The following PAM variants were observed in gnomAD, a reference collection of about 807,000 sequenced individuals.
The protein encoded by PAM is peptidylglycine alpha-amidating monooxygenase, also known as peptidyl-glycine alpha-amidating monooxygenase.
Under a neutral mutation model 122.1 loss-of-function variants are expected in PAM, and 72 were observed. The observed-to-expected ratio is 0.59, with a 90% CI of 0.49 to 0.72. The LOEUF is 0.72. PAM is among the 30% of genes least tolerant of loss of function. PAM has a pLI of 0.00. For missense variants in PAM, 1,106 were observed against 1,183.7 expected (o/e 0.93, Z 0.96); for synonymous variants, 389 against 404.4 (o/e 0.96, Z 0.46).
intron 1 of PAM, among the ~76,000 whole-genome samples, chr5:102,829,236 A>G (rs1285340954): frequency 6.6e-6 from 1 of 152,228 alleles, no homozygotes; most frequent in African/African-American, 2.4e-5. Context: ...TCGGTACACC[A>G]ACGTTAAATG....
intron 1 of PAM, among the ~76,000 whole-genome samples, chr5:102,774,036 A>T (rs1756484368): frequency 6.6e-6 from 1 of 152,090 alleles, no homozygotes; most frequent in Non-Finnish European, 1.5e-5. Context: ...TTCCTACAAA[A>T]GACATGATCT....
chr5:102,970,191 T>G (rs1340649773), intron 14 of PAM, among the ~76,000 whole-genome samples: 1 of 152,170 alleles, frequency 6.6e-6, no homozygotes. Context: ...TAAGGAAGAA[T>G]GAATCAGCAA....
At chr5:102,812,766 G>T (rs958433237) in intron 1 of PAM, among the ~76,000 whole-genome samples, 68 of 152,014 alleles carry the variant, frequency 4.5e-4, no homozygotes, top group African/African-American at 1.6e-3. Context: ...TAACAATGAA[G>T]TTAAACATGA....
In PAM at chr5:102,756,857, A is replaced by G. The variant is rs560424953; in HGVS notation, c.-374+1509A>G. Among the ~76,000 whole-genome samples, 12 of 152,254 alleles carry G rather than the reference A, an allele frequency of 7.9e-5. No individual in the cohort carries two copies. The South Asian group carries it at 2.5e-3, about 32-fold the overall frequency. On this transcript the variant is annotated intron_variant, in intron 1 of 25. Transcript: ENST00000438793. ...AATAGGCATTTTCATTCCGCGATGC[A>G]CTCTGCTATATGCTTTAAAGATATA...
intron 1 of PAM, among the ~76,000 whole-genome samples, chr5:102,858,455 C>T (rs1350429417): frequency 2.0e-5 from 3 of 152,146 alleles, no homozygotes; most frequent in African/African-American, 7.2e-5. Flanking sequence ...ACAGCCCCTA[C>T]AACAAAGAAT....
intron 23 of PAM, among the ~76,000 whole-genome samples, chr5:103,023,628 C>A (rs1427621985): frequency 6.6e-6 from 1 of 152,014 alleles, no homozygotes; most frequent in East Asian, 1.9e-4. Flanking sequence ...CCACTCCTTT[C>A]CTTCCCTCCC....
intron 14 of PAM, among the ~76,000 whole-genome samples, chr5:102,968,092 C>T (rs970924192): frequency 3.9e-5 from 6 of 152,170 alleles, no homozygotes; most frequent in African/African-American, 7.2e-5. Flanking sequence ...CCAGTTTGCA[C>T]GTTTCTTGTG....
At chr5:102,785,414 G>T (rs1041076833) in intron 1 of PAM, among the ~76,000 whole-genome samples, 2 of 152,216 alleles carry the variant, frequency 1.3e-5, no homozygotes, top group African/African-American at 4.8e-5. Context: ...TGGTAGATAC[G>T]TGGGAGACTG....
rs747235517 is a variant in PAM, at chr5:103,009,872, TACAC to T, written c.2331+10_2331+13del. ...TCTTCAAGCCAGTGCGCAAGGTATT[TACAC>T]ACATTGTCTAGGTTTCAATTTTCAT... On this transcript the variant is annotated splice_region_variant and intron_variant, in intron 21 of 25. Coordinates refer to ENST00000438793, the MANE Select transcript of PAM (RefSeq NM_001177306.2). The T allele has an allele frequency of 9.8e-6, 14 of 1,429,008 alleles. No individual in the cohort carries two copies. In the Admixed American group the frequency reaches 1.1e-4, roughly 11 times the overall value. The allele number at this position is 1,429,008 out of a possible 1,614,324, so 88.5% of individuals were successfully genotyped here. A position where few individuals can be genotyped will look rare whatever the true frequency, so the allele number is the denominator to read the frequency against.
At chr5:102,941,350 C>CA (rs1755144714) in intron 7 of PAM, among the ~76,000 whole-genome samples, 1 of 152,202 alleles carries the variant, frequency 6.6e-6, no homozygotes, top group Non-Finnish European at 1.5e-5. Context: ...GCAGTGAATA[C>CA]AAAATCAAAA....
chr5:102,839,479 G>T (rs1384340449), intron 1 of PAM, among the ~76,000 whole-genome samples: 1 of 150,040 alleles, frequency 6.7e-6, no homozygotes, highest in Admixed American at 6.7e-5. Flanking sequence ...GGAGGTTGCA[G>T]TGAGCCAAGA....
intron 1 of PAM, among the ~76,000 whole-genome samples, chr5:102,861,993 A>G (rs996608795): frequency 6.6e-6 from 1 of 151,994 alleles, no homozygotes; most frequent in African/African-American, 2.4e-5. Context: ...AACTTGGCAA[A>G]AACTTGTCTC....
intron 1 of PAM, among the ~76,000 whole-genome samples, chr5:102,765,286 C>T (rs1753559162): frequency 6.6e-6 from 1 of 152,188 alleles, no homozygotes; most frequent in Admixed American, 6.5e-5. Flanking sequence ...AAACAGTCAA[C>T]GTTCAGGTTT....
At chr5:102,978,799 C>T (rs1430759733) in intron 15 of PAM, among the ~76,000 whole-genome samples, 1 of 150,858 alleles carries the variant, frequency 6.6e-6, no homozygotes, top group Non-Finnish European at 1.5e-5. Context: ...ATTCAGTTGG[C>T]TGAATTTTGA....
intron 1 of PAM, among the ~76,000 whole-genome samples, chr5:102,816,657 CATCTGGT>C (rs1197330404): frequency 6.6e-6 from 1 of 152,106 alleles, no homozygotes; most frequent in African/African-American, 2.4e-5. Context: ...GTGCCACATT[CATCTGGT>C]TTTCCTTCAC....
chr5:102,835,669 A>G (rs1264436572), intron 1 of PAM, among the ~76,000 whole-genome samples: 1 of 152,060 alleles, frequency 6.6e-6, no homozygotes, highest in Non-Finnish European at 1.5e-5. Flanking sequence ...TTTCAGGCAA[A>G]AAAGATTTCA....
intron 1 of PAM, among the ~76,000 whole-genome samples, chr5:102,853,075 C>T (rs1178861598): frequency 6.6e-6 from 1 of 152,172 alleles, no homozygotes; most frequent in Non-Finnish European, 1.5e-5. Context: ...ACCCTCACTG[C>T]TGATTTCTTT....
At chr5:102,797,346 AAATT>A (rs111441608) in intron 1 of PAM, among the ~76,000 whole-genome samples, 2 of 152,324 alleles carry the variant, frequency 1.3e-5, no homozygotes, top group African/African-American at 4.8e-5. Context: ...TATTATTTTA[AAATT>A]AATATGTCAT....
chr5:102,971,945 A>C (rs1765962631), intron 14 of PAM, among the ~76,000 whole-genome samples: 1 of 152,162 alleles, frequency 6.6e-6, no homozygotes, highest in Non-Finnish European at 1.5e-5. Context: ...TTCTGCTCTG[A>C]AACTTTATTC....
Sources: gnomAD v4.1 joint callset for allele counts (sites outside exome capture counted in the v4.1 genomes callset) on GRCh38, gnomAD v4.1.1 for gene constraint, MANE v1.5 for transcripts, NCBI Gene and HGNC (gene_info 2026-07-23, HGNC 2026-07-21) for gene names.